The following HROB variants were observed in gnomAD, a reference collection of about 807,000 sequenced individuals.
HROB encodes the protein homologous recombination factor with OB-fold, also known as homologous recombination OB-fold protein.
HROB carries 44 observed loss-of-function variants against 61.0 expected under a neutral mutation model. The observed-to-expected ratio is 0.72, with a 90% CI of 0.57 to 0.93. The LOEUF (loss-of-function observed/expected upper bound fraction) is 0.93, where lower values mean the gene tolerates loss of function less well. Among genes scored for constraint, HROB ranks in the 40% least tolerant of loss-of-function variants. The pLI is 0.00. For synonymous variants in HROB, 301 were observed against 310.4 expected (o/e 0.97, Z 0.32); for missense variants, 716 against 796.2 (o/e 0.90, Z 1.21).
At position 44,162,006 on chromosome 17, in the gene HROB, G is replaced by C; in HGVS notation, c.*74G>C. 2.7e-6 allele frequency: 4 copies of C among 1,507,688 alleles called. No homozygotes were observed. The highest frequency in any genetic ancestry group is 3.7e-6 in the Non-Finnish European group (4 of 1,087,552). The allele number at this position is 1,507,688 out of a possible 1,614,324, so 93.4% of individuals were successfully genotyped here. A position where few individuals can be genotyped will look rare whatever the true frequency, so the allele number is the denominator to read the frequency against. On this transcript the variant is annotated 3_prime_UTR_variant, in exon 10 of 10. Transcript: ENST00000585683. ...TGTGTCTGGTCACATCCAAGGGGGAGAAGAAGGCCAGCATGATTGGAGAGT... is the reference window on the plus strand; with the variant it reads ...TGTGTCTGGTCACATCCAAGGGGGACAAGAAGGCCAGCATGATTGGAGAGT...
At chr17:44,160,547 G>T (rs770797867) in intron 9 of HROB, among the ~76,000 whole-genome samples, 2 of 152,112 alleles carry the variant, frequency 1.3e-5, no homozygotes, top group Non-Finnish European at 2.9e-5. Context: ...CAGCCTGGGC[G>T]ACAGAGTAAG....
chr17:44,147,335 T>C (rs2053639169), intron 2 of HROB, among the ~76,000 whole-genome samples: 1 of 152,122 alleles, frequency 6.6e-6, no homozygotes, highest in African/African-American at 2.4e-5. Flanking sequence ...TTGGAGTGTT[T>C]TTGATAGAGC....
intron 3 of HROB, 45 bp from the exon 4 acceptor site, chr17:44,150,916 C>T (rs1430121883): frequency 6.7e-7 from 1 of 1,492,932 alleles, no homozygotes; most frequent in African/African-American, 1.4e-5. Context: ...TTGTAAATAA[C>T]AGCTGCTAAG....
chr17:44,142,243 G>C, intron 1 of HROB, 98 bp downstream of exon 1: 3 of 1,357,248 alleles, frequency 2.2e-6, no homozygotes, highest in East Asian at 6.1e-5. Context: ...GCAAGTTGCA[G>C]GACCGGGGTC....
chr17:44,157,405 C>CT (rs71160088), intron 8 of HROB, among the ~76,000 whole-genome samples: 10,164 of 81,264 alleles, frequency 0.13, 532 homozygotes, highest in African/African-American at 0.23. Context: ...CATCATGTTT[C>CT]TTTTTTTTTT....
Position 44,154,912 on chromosome 17 carries a change from C to T in HROB, c.1618C>T (p.Pro540Ser). The T allele has an allele frequency of 6.2e-7, 1 of 1,613,962 alleles. No homozygotes were observed. Among genetic ancestry groups the T allele is most frequent in the East Asian group, 2.2e-5 (1 of 44,866 alleles). ...GGAGACGTGCCAGAATGAGCTGAAG[C>T]CTGGCTCAGTGCTGCTGCTGAAGCA... is the stretch of plus-strand genomic sequence containing the variant. ...LLETCQNELKPGSVLLLKQIG... is the reference protein window; with the variant it reads ...LLETCQNELKSGSVLLLKQIG... Residue 540 changes from proline to serine, a missense_variant, in exon 7 of 10, where the codon CCT (proline) becomes TCT (serine). Pro to Ser is a moderately conservative substitution (Grantham distance 74). Transcript: ENST00000585683.
At position 44,152,696 on chromosome 17, in the gene HROB, C is replaced by G. The variant is rs1440828913; in HGVS notation, c.1368C>G (p.Thr456=). The G allele has an allele frequency of 2.5e-6, 4 of 1,614,156 alleles. No individual in the cohort carries two copies. Among genetic ancestry groups the G allele is most frequent in the Middle Eastern group, 1.6e-4 (1 of 6,062 alleles). ...EEDFGRGPWL[T]MKSTLGLDER... ...ATTTTGGGCGAGGGCCCTGGCTGAC[C>G]ATGAAATCCACGCTAGGCCTGGATG... The change falls in exon 5 of 10, where the codon ACC becomes ACG. Residue 456 remains threonine, a synonymous_variant. Transcript: ENST00000585683.
At chr17:44,158,403 G>A (rs2054033575) in intron 9 of HROB, among the ~76,000 whole-genome samples, 1 of 152,188 alleles carries the variant, frequency 6.6e-6, no homozygotes, top group Non-Finnish European at 1.5e-5. Context: ...GACCCCTTGT[G>A]GTTGGGCCAG....
chr17:44,154,474 C>T (rs558878506), intron 5 of HROB, 82 bp from the exon 6 acceptor site: 36 of 1,344,836 alleles, frequency 2.7e-5, no homozygotes, highest in Admixed American at 2.5e-4. Flanking sequence ...CTCCTAACCC[C>T]GGTTGCCCTG....
intron 4 of HROB, 127 bp downstream of exon 4, chr17:44,151,171 G>T: frequency 1.0e-6 from 1 of 981,598 alleles, no homozygotes; most frequent in Non-Finnish European, 1.5e-6. Flanking sequence ...ACACTAAAAG[G>T]CATTTGAGGC....
At chr17:44,144,681 C>T (rs1186134910) in intron 1 of HROB, among the ~76,000 whole-genome samples, 1 of 151,900 alleles carries the variant, frequency 6.6e-6, no homozygotes, top group Non-Finnish European at 1.5e-5. Context: ...TCCCAAGTAG[C>T]TGGGACTGCA....
rs1392670152 is a variant in HROB, at chr17:44,161,915, T to C, written c.1924T>C (p.Cys642Arg). ...GAGTGAGCTTCCTGAAGACTTCTTC[T>C]GTGGGACCAGTAGTTGAGACTGCCC... is the stretch of plus-strand genomic sequence containing the variant. ...LLSELPEDFF[C>R]GTSS The change falls in exon 10 of 10, where the codon TGT (cysteine) becomes CGT (arginine). Residue 642 changes from cysteine to arginine, a missense_variant. By Grantham distance (180) the Cys-to-Arg change is radical. Coordinates refer to ENST00000585683, the MANE Select transcript of HROB (RefSeq NM_001171251.3). The C allele has an allele frequency of 4.3e-6, 7 of 1,614,208 alleles. No individual in the cohort carries two copies. Among genetic ancestry groups the C allele is most frequent in the East Asian group, 4.5e-5 (2 of 44,886 alleles).
intron 4 of HROB, among the ~76,000 whole-genome samples, chr17:44,152,067 C>G (rs564903892): frequency 8.6e-5 from 13 of 151,968 alleles, no homozygotes; most frequent in Non-Finnish European, 1.5e-4. Flanking sequence ...GGATGGTCTC[C>G]ATCTTCTGAC....
Position 44,157,848 on chromosome 17 carries a change from C to T in HROB, c.1786C>T (p.Gln596Ter), listed in dbSNP as rs2144093002. 6.2e-7 allele frequency: 1 copy of T among 1,613,078 alleles called. No homozygotes were observed. The highest frequency in any genetic ancestry group is 2.2e-5 in the East Asian group (1 of 44,854). ...CTGTCCCCAGGATTCAGGGAGCTTC[C>T]AGCATGATGTGGCTGCAAAGCCCGA... ...QPFPKDSGSFQHDVAAKPEEG... is the reference protein window; with the variant it reads ...QPFPKDSGSF The change falls in exon 9 of 10, where the codon CAG becomes TAG. Residue 596 changes from glutamine (Q) to a stop codon, truncating the protein, a stop_gained. Coordinates refer to ENST00000585683, the MANE Select transcript of HROB (RefSeq NM_001171251.3). LOFTEE classifies it high-confidence loss of function.
Position 44,148,465 on chromosome 17 carries a change from G to C in HROB, c.662G>C (p.Gly221Ala). The change falls in exon 3 of 10, where the codon GGT becomes GCT. Residue 221 changes from glycine to alanine, a missense_variant. By Grantham distance (60) the Gly-to-Ala change is moderately conservative. Coordinates refer to ENST00000585683, the MANE Select transcript of HROB (RefSeq NM_001171251.3). Reference sequence around the variant, plus strand: ...CCTGTGCCTGCCATCCACAAAGCGGGTATCATGTCCGCCCAGGATGAGTCT... The same window carrying C: ...CCTGTGCCTGCCATCCACAAAGCGGCTATCATGTCCGCCCAGGATGAGTCT... ...KGPVPAIHKA[G>A]IMSAQDESLD... is the part of the protein sequence containing the mutation. 1 of 1,614,122 alleles carries C rather than the reference G, an allele frequency of 6.2e-7. No homozygotes were observed. Among genetic ancestry groups the C allele is most frequent in the Non-Finnish European group, 8.5e-7 (1 of 1,180,028 alleles).
At chr17:44,145,008 G>A (rs1158039090) in intron 1 of HROB, among the ~76,000 whole-genome samples, 195 bp from the exon 2 acceptor site, 2 of 152,062 alleles carry the variant, frequency 1.3e-5, no homozygotes, top group East Asian at 1.9e-4. Flanking sequence ...GAGTCACCAC[G>A]CCCGGCCCTA....
At chr17:44,145,310 A>G in intron 2 of HROB, 57 bp downstream of exon 2, 2 of 1,595,710 alleles carry the variant, frequency 1.3e-6, no homozygotes, top group South Asian at 2.2e-5. Flanking sequence ...GTAAACACTC[A>G]GGTTCAGAAC....
rs200748067 is a variant in HROB, at chr17:44,154,973, G to A, written c.1644+35G>A. The A allele has an allele frequency of 8.3e-5, 132 of 1,597,556 alleles. No homozygotes were observed. The East Asian group carries it at 1.2e-3, about 15-fold the overall frequency. On this transcript the variant is annotated intron_variant, in intron 7 of 9. Coordinates refer to ENST00000585683, the MANE Select transcript of HROB (RefSeq NM_001171251.3). ...GCAGCTCTCCACACCACTGCCCCCC[G>A]GATAGAGCCCTCAGTGTCTGTCTCC...
intron 5 of HROB, among the ~76,000 whole-genome samples, chr17:44,153,140 G>A (rs73314464): frequency 0.014 from 2,198 of 152,236 alleles, 44 homozygotes; most frequent in African/African-American, 0.05. Context: ...GGAACATTGT[G>A]TAAACACATA....
Sources: allele counts gnomAD v4.1 joint callset (sites outside exome capture counted in the v4.1 genomes callset), GRCh38; gene constraint gnomAD v4.1.1; transcripts MANE v1.5; gene names NCBI Gene and HGNC (gene_info 2026-07-23, HGNC 2026-07-21).